Variants in VNN2 observed in about 807,000 individuals in gnomAD.
VNN2 encodes vanin 2, also known as pantetheine hydrolase VNN2.
Under a neutral mutation model 43.0 loss-of-function variants are expected in VNN2, and 43 were observed. The observed-to-expected ratio is 1.00, with a 90% CI of 0.78 to 1.29. The LOEUF (loss-of-function observed/expected upper bound fraction) is 1.29. VNN2 is among the 50% of genes most tolerant of loss of function. The pLI is 0.00. For synonymous variants in VNN2, 230 were observed against 224.3 expected, an observed-to-expected ratio of 1.03 and a Z score of -0.23; for missense variants, 652 against 619.7, an observed-to-expected ratio of 1.05 and a Z score of -0.55.
At chr6:132,756,737 CTCT>C (rs1476086438) in intron 2 of VNN2, among the ~76,000 whole-genome samples, 1 of 152,222 alleles carries the variant, frequency 6.6e-6, no homozygotes, top group African/African-American at 2.4e-5. Flanking sequence ...TATACCTAAA[CTCT>C]TCTCTAACTC....
In VNN2 at chr6:132,751,400, T is replaced by A; in HGVS notation, c.945A>T (p.Pro315=). 1 of 1,614,066 alleles carries A rather than the reference T, an allele frequency of 6.2e-7. No homozygotes were observed. Among genetic ancestry groups the A allele is most frequent in the Non-Finnish European group, 8.5e-7 (1 of 1,179,998 alleles). The change falls in exon 5 of 7, where the codon CCA becomes CCT. Residue 315 remains proline (P), a synonymous_variant. Transcript: ENST00000326499. ...DSHPLSSLAY[P]TAVNWNAYAT... ...CGTAGGCATTCCAATTAACAGCTGT[T>A]GGGTAGGCAAGCGAGGATAGGGGAT...
chr6:132,762,925 C>T (rs1215030981), intron 1 of VNN2, among the ~76,000 whole-genome samples: 1 of 152,210 alleles, frequency 6.6e-6, no homozygotes, highest in Non-Finnish European at 1.5e-5. Context: ...GCATCCTCCC[C>T]TACTTTCCGA....
upstream of VNN2, among the ~76,000 whole-genome samples, chr6:132,758,815 G>A (rs943668253): frequency 2.6e-5 from 4 of 152,136 alleles, no homozygotes; most frequent in Non-Finnish European, 5.9e-5. Context: ...TTTGTTCACT[G>A]CTGTATAGTT....
chr6:132,750,313 A>G (rs750915774), intron 5 of VNN2, among the ~76,000 whole-genome samples: 1 of 151,936 alleles, frequency 6.6e-6, no homozygotes, highest in Non-Finnish European at 1.5e-5. Flanking sequence ...CCAACATTCT[A>G]TAAAAAGTTT....
intron 2 of VNN2, among the ~76,000 whole-genome samples, chr6:132,756,680 C>T (rs1335327866): frequency 6.6e-6 from 1 of 152,184 alleles, no homozygotes; most frequent in South Asian, 2.1e-4. Context: ...GCTGATTCCT[C>T]GTTTTCTTCC....
At chr6:132,756,984 A>G (rs762795146) in intron 2 of VNN2, among the ~76,000 whole-genome samples, 4 of 152,334 alleles carry the variant, frequency 2.6e-5, no homozygotes, top group Non-Finnish European at 5.9e-5. Flanking sequence ...GTTTCAAAGC[A>G]TAAGGTCTTA....
intron 5 of VNN2, among the ~76,000 whole-genome samples, chr6:132,750,677 A>AAAAAG (rs954673197): frequency 1.3e-5 from 2 of 148,956 alleles, no homozygotes; most frequent in African/African-American, 2.5e-5. Context: ...AAAAAAAAAG[A>AAAAAG]AAAAGAAAAG....
chr6:132,746,667 A>G (rs1779737046), intron 6 of VNN2, among the ~76,000 whole-genome samples: 1 of 152,160 alleles, frequency 6.6e-6, no homozygotes, highest in South Asian at 2.1e-4. Context: ...AATCTTTTCC[A>G]AGAATGCCCA....
intron 6 of VNN2, among the ~76,000 whole-genome samples, chr6:132,747,245 T>G (rs1444193512): frequency 6.6e-6 from 1 of 152,194 alleles, no homozygotes; most frequent in East Asian, 1.9e-4. Context: ...TACCCTAATG[T>G]GATTATTACA....
upstream of VNN2, chr6:132,758,023 T>C: frequency 5.9e-6 from 1 of 169,176 alleles, no homozygotes; most frequent in Non-Finnish European, 9.4e-6. Flanking sequence ...TTCTTCTTCT[T>C]CTTCTTCTTC....
chr6:132,744,445 G>T lies in VNN2; in HGVS notation c.1418C>A (p.Pro473His). The T allele has an allele frequency of 6.2e-7, 1 of 1,606,678 alleles. No homozygotes were observed. The highest frequency in any genetic ancestry group is 1.1e-5 in the South Asian group (1 of 89,388). Reference protein sequence around the residue: ...RLVNKNGSSGPILTVSLFGRW... With the variant: ...RLVNKNGSSGHILTVSLFGRW... ...CCCAAAGAGTGACACTGTTAGTATAGGCCCAGATGATCCATTCTTGTTTAC... is the reference window on the plus strand; with the variant it reads ...CCCAAAGAGTGACACTGTTAGTATATGCCCAGATGATCCATTCTTGTTTAC... Residue 473 changes from proline (P) to histidine (H), a missense_variant, in exon 7 of 7, where the codon CCT becomes CAT. Physicochemically the swap from Pro to His is moderately conservative, Grantham distance 77 (BLOSUM62 -2). Transcript: ENST00000326499.
chr6:132,751,310 C>A lies in VNN2; in HGVS notation c.1035G>T (p.Gly345=), dbSNP rs764088883. 13 of 1,613,988 alleles carry A rather than the reference C, an allele frequency of 8.1e-6. No homozygotes were observed. Among genetic ancestry groups the A allele is most frequent in the Non-Finnish European group, 9.3e-6 (11 of 1,180,018 alleles). ...NTFRGFISRD[G]FNFTELFENA... ...TTTCAAAAAGTTCTGTGAAGTTGAA[C>A]CCATCCCTGGAAATAAATCCCCTGA... Residue 345 remains glycine, a synonymous_variant, in exon 5 of 7, where the codon GGG becomes GGT. Transcript: ENST00000326499.
rs773881036 is a variant in VNN2, at chr6:132,757,527, G to T, written c.233C>A (p.Thr78Asn). The change falls in exon 2 of 7, where the codon ACT becomes AAT. Residue 78 changes from threonine to asparagine, a missense_variant. Thr to Asn is a moderately conservative substitution (Grantham distance 65). Coordinates refer to ENST00000326499, the MANE Select transcript of VNN2 (RefSeq NM_004665.6). The part of the protein sequence containing the change: ...AAEQGARIIV[T>N]PEDALYGWKF... Reference sequence around the variant, plus strand: ...CCATCCATAAAGTGCATCTTCTGGAGTCACAATGATTCGAGCACCCTGTTC... The same window carrying T: ...CCATCCATAAAGTGCATCTTCTGGATTCACAATGATTCGAGCACCCTGTTC... The T allele has an allele frequency of 3.7e-6, 6 of 1,613,908 alleles. No individual in the cohort carries two copies. The highest frequency in any genetic ancestry group is 5.1e-6 in the Non-Finnish European group (6 of 1,179,962).
In VNN2 at chr6:132,751,149, C is replaced by T. The variant is rs777145492; in HGVS notation, c.1196G>A (p.Trp399Ter). 1.3e-6 allele frequency: 2 copies of T among 1,586,360 alleles called. No individual in the cohort carries two copies. Among genetic ancestry groups the T allele is most frequent in the Non-Finnish European group, 1.7e-6 (2 of 1,166,870 alleles). The part of the protein sequence containing the change: ...GLHGRRRREY[W>*]QVCTLLKCKT... ...TTTCATTTGAACTGAAATTACCTGC[C>T]AGTACTCTCTTCTCCTTCGGCCATG... is the stretch of plus-strand genomic sequence containing the variant. The change falls in exon 5 of 7, where the codon TGG (tryptophan) becomes TAG (stop). Residue 399 changes from tryptophan to a stop codon, truncating the protein, a stop_gained. Coordinates refer to ENST00000326499, the MANE Select transcript of VNN2 (RefSeq NM_004665.6). LOFTEE classifies it high-confidence loss of function.
intron 4 of VNN2, among the ~76,000 whole-genome samples, chr6:132,751,755 A>T (rs908202911): frequency 1.3e-5 from 2 of 152,244 alleles, no homozygotes; most frequent in Admixed American, 1.3e-4. Flanking sequence ...AGCATTATTT[A>T]TTAGCATTAT....
chr6:132,758,279 G>C (rs1053085918), upstream of VNN2, among the ~76,000 whole-genome samples: 1 of 151,930 alleles, frequency 6.6e-6, no homozygotes, highest in African/African-American at 2.4e-5. Flanking sequence ...TCCTGATCTT[G>C]TGATCCATCC....
upstream of VNN2, chr6:132,757,980 C>CAG: frequency 1.3e-6 from 1 of 749,732 alleles, no homozygotes; most frequent in Non-Finnish European, 1.9e-6. Flanking sequence ...CAGTTACTGG[C>CAG]CTTTTACTTT....
chr6:132,751,576 G>T lies in VNN2; in HGVS notation c.827-58C>A. ...CACCACACACAAAAAAACCAAAACTGCCAATTTCCCCATCAGAATTGGGCA... is the reference window on the plus strand; with the variant it reads ...CACCACACACAAAAAAACCAAAACTTCCAATTTCCCCATCAGAATTGGGCA... On this transcript the variant is annotated intron_variant, in intron 4 of 6. Coordinates refer to ENST00000326499, the MANE Select transcript of VNN2 (RefSeq NM_004665.6). 2.6e-6 allele frequency: 4 copies of T among 1,540,754 alleles called. No homozygotes were observed. In the South Asian group the frequency reaches 5.1e-5, roughly 20 times the overall value.
upstream of VNN2, chr6:132,758,046 T>A (rs12190909): frequency 6.3e-3 from 2,835 of 453,332 alleles, 74 homozygotes; most frequent in East Asian, 9.3e-3. Context: ...CTTCTTTTTT[T>A]TTTTTTTTTT....
Sources: gnomAD v4.1 joint callset for allele counts (sites outside exome capture counted in the v4.1 genomes callset) on GRCh38, gnomAD v4.1.1 for gene constraint, MANE v1.5 for transcripts, NCBI Gene and HGNC (gene_info 2026-07-23, HGNC 2026-07-21) for gene names.